The following CAMTA1 variants were observed in gnomAD, a reference collection of about 807,000 sequenced individuals.
The protein encoded by CAMTA1 is calmodulin-binding transcription activator 1.
A neutral mutation model predicts 170.9 loss-of-function variants in CAMTA1; 27 were observed. The ratio of observed to expected loss-of-function variants is 0.16; its 90% CI spans 0.12 to 0.22. CAMTA1 has a LOEUF of 0.22. CAMTA1 is among the 10% of genes least tolerant of loss of function. The pLI is 1.00. For synonymous variants in CAMTA1, 833 were observed against 891.5 expected, an observed-to-expected ratio of 0.93 and a Z score of 1.17; for missense variants, 1,619 against 2,217.2, an observed-to-expected ratio of 0.73 and a Z score of 5.42.
At chr1:7,745,129 C>A in intron 17 of CAMTA1, 107 bp downstream of exon 17, 4 of 1,090,574 alleles carry the variant, frequency 3.7e-6, no homozygotes, top group South Asian at 1.6e-5. Flanking sequence ...AAGACCATAC[C>A]AAGGAAGGAA....
At chr1:7,290,494 C>G (rs1245327652) in intron 5 of CAMTA1, among the ~76,000 whole-genome samples, 1 of 152,128 alleles carries the variant, frequency 6.6e-6, no homozygotes, top group African/African-American at 2.4e-5. Context: ...AACTCGGGGC[C>G]TGGGATGTTC....
chr1:7,469,981 A>G (rs1467983002), intron 6 of CAMTA1, among the ~76,000 whole-genome samples: 2 of 152,136 alleles, frequency 1.3e-5, no homozygotes, highest in Non-Finnish European at 2.9e-5. Context: ...GGACTGATTC[A>G]TGTGTGTCTG....
At chr1:6,964,825 AG>A (rs1414382213) in intron 3 of CAMTA1, among the ~76,000 whole-genome samples, 1 of 152,212 alleles carries the variant, frequency 6.6e-6, no homozygotes. Context: ...CTCTGGAAGG[AG>A]GACCAGGAGA....
intron 6 of CAMTA1, among the ~76,000 whole-genome samples, chr1:7,491,760 A>C (rs1206345080): frequency 6.6e-6 from 1 of 152,254 alleles, no homozygotes; most frequent in Non-Finnish European, 1.5e-5. Flanking sequence ...ATAATGTTTA[A>C]AAACGAAGTC....
chr1:7,546,723 G>A (rs956858232), intron 6 of CAMTA1, among the ~76,000 whole-genome samples: 3 of 152,160 alleles, frequency 2.0e-5, no homozygotes, highest in Admixed American at 1.3e-4. Flanking sequence ...GTATCTCATT[G>A]TGGTTTTGAT....
At chr1:6,926,426 TTTC>T (rs1683127874) in intron 3 of CAMTA1, among the ~76,000 whole-genome samples, 2 of 144,278 alleles carry the variant, frequency 1.4e-5, no homozygotes, top group African/African-American at 5.2e-5. Flanking sequence ...TTCTTTTCTC[TTTC>T]TTTCTTTTCT....
At chr1:7,056,951 A>G (rs7552540) in intron 3 of CAMTA1, among the ~76,000 whole-genome samples, 99,866 of 152,036 alleles carry the variant, frequency 0.66, 33,013 homozygotes, top group Non-Finnish European at 0.69. Flanking sequence ...CAGTGTCAGC[A>G]TCCCCCGCAC....
chr1:7,356,694 T>C (rs1300130885), intron 5 of CAMTA1, among the ~76,000 whole-genome samples: 1 of 152,154 alleles, frequency 6.6e-6, no homozygotes, highest in Non-Finnish European at 1.5e-5. Flanking sequence ...GCCTGCCCCA[T>C]TCCTGGTGGC....
intron 3 of CAMTA1, among the ~76,000 whole-genome samples, chr1:6,917,945 G>T (rs1261340537): frequency 6.6e-6 from 1 of 152,098 alleles, no homozygotes; most frequent in African/African-American, 2.4e-5. Flanking sequence ...GACGTTCCAG[G>T]TAGCTGGACC....
intron 3 of CAMTA1, among the ~76,000 whole-genome samples, chr1:6,927,426 C>T (rs565772881): frequency 6.6e-6 from 1 of 152,278 alleles, no homozygotes; most frequent in Admixed American, 6.5e-5. Flanking sequence ...CCTTAATAAA[C>T]ATTTGTGTCC....
At chr1:6,972,438 G>A (rs146377887) in intron 3 of CAMTA1, among the ~76,000 whole-genome samples, 35 of 152,284 alleles carry the variant, frequency 2.3e-4, no homozygotes, top group Admixed American at 1.9e-3. Context: ...CTGGAGAAAG[G>A]ATCTGTGTTT....
intron 3 of CAMTA1, among the ~76,000 whole-genome samples, chr1:7,018,084 C>T (rs1572468988): frequency 4.0e-5 from 5 of 125,394 alleles, no homozygotes; most frequent in African/African-American, 1.5e-4. Flanking sequence ...CCGCCTCAGC[C>T]TCCTGGGTAC....
At chr1:6,905,238 G>A (rs1678163952) in intron 3 of CAMTA1, among the ~76,000 whole-genome samples, 1 of 135,668 alleles carries the variant, frequency 7.4e-6, no homozygotes, top group African/African-American at 2.9e-5. Context: ...CTGTTGCCCA[G>A]GCTAGAGTGC....
intron 7 of CAMTA1, among the ~76,000 whole-genome samples, chr1:7,649,589 C>T (rs1270237128): frequency 6.6e-6 from 1 of 152,072 alleles, no homozygotes; most frequent in Non-Finnish European, 1.5e-5. Context: ...TCCTACTTTG[C>T]TCCAGGATCC....
At chr1:7,421,700 C>T (rs1158902223) in intron 5 of CAMTA1, among the ~76,000 whole-genome samples, 1 of 152,206 alleles carries the variant, frequency 6.6e-6, no homozygotes, top group Admixed American at 6.5e-5. Context: ...CATGCCAGCA[C>T]TCACTGTTGC....
chr1:7,540,236 AATGG>A (rs145143324), intron 6 of CAMTA1, among the ~76,000 whole-genome samples: 1 of 152,112 alleles, frequency 6.6e-6, no homozygotes, highest in African/African-American at 2.4e-5. Context: ...TGAATGGAGA[AATGG>A]ATGGATGGAT....
rs979568536 is a variant in CAMTA1, at chr1:7,609,428, G to A, written c.511-30972G>A. Among the ~76,000 whole-genome samples, 26 of 152,174 alleles carry A rather than the reference G, an allele frequency of 1.7e-4. No homozygotes were observed. Among genetic ancestry groups the A allele is most frequent in the Non-Finnish European group, 2.9e-5 (2 of 68,016 alleles). On this transcript the variant is annotated intron_variant, in intron 6 of 22. Coordinates refer to ENST00000303635, the MANE Select transcript of CAMTA1 (RefSeq NM_015215.4). This position sits in a 1 kb window ranked among gnomAD's most constrained non-coding sequence, Gnocchi z 4.4. ...CATGAGGCTCTGCTCAACTTTGGGT[G>A]TTAACAGCAAATCAAAGCCCCTCAG...
chr1:6,954,219 A>G (rs1689045679), intron 3 of CAMTA1, among the ~76,000 whole-genome samples: 1 of 152,190 alleles, frequency 6.6e-6, no homozygotes, highest in Admixed American at 6.5e-5. Context: ...CTGATGATTG[A>G]GCAGGCCATG....
intron 3 of CAMTA1, among the ~76,000 whole-genome samples, chr1:6,997,642 A>G (rs1364993445): frequency 9.0e-6 from 1 of 111,248 alleles, no homozygotes; most frequent in Admixed American, 8.6e-5. Context: ...TGTTTTCCAT[A>G]TTTCCTTTCT....
Sources: allele counts gnomAD v4.1 joint callset (sites outside exome capture counted in the v4.1 genomes callset), GRCh38; gene constraint gnomAD v4.1.1; non-coding constraint Gnocchi (gnomAD v3.1); transcripts MANE v1.5; gene names NCBI Gene and HGNC (gene_info 2026-07-23, HGNC 2026-07-21).